Variants in CFH observed in about 807,000 individuals in gnomAD.
The protein encoded by CFH is complement factor H.
A neutral mutation model predicts 147.3 loss-of-function variants in CFH; 53 were observed. The observed-to-expected ratio is 0.36, with a 90% confidence interval of 0.29 to 0.45. The LOEUF is 0.45. Among genes scored for constraint, CFH ranks in the 20% least tolerant of loss-of-function variants. The probability of loss-of-function intolerance (pLI) is 1.00; values close to 1 mark genes in which losing one functional copy is unlikely to be tolerated. For synonymous variants in CFH, 536 were observed against 489.4 expected (o/e 1.10, Z -1.26); for missense variants, 1,380 against 1,498.0 (o/e 0.92, Z 1.30).
At chr1:196,737,734 G>A (rs1414277518) in intron 17 of CFH, 74 bp downstream of exon 17, 2 of 1,273,778 alleles carry the variant, frequency 1.6e-6, no homozygotes, top group Non-Finnish European at 2.3e-6. Flanking sequence ...ATCAAAGTGA[G>A]GGGAATAATT....
intron 14 of CFH, among the ~76,000 whole-genome samples, chr1:196,727,383 T>A (rs960696505): frequency 6.6e-6 from 1 of 152,052 alleles, no homozygotes; most frequent in Non-Finnish European, 1.5e-5. Flanking sequence ...TGCATGCCTG[T>A]AATCCAGCTA....
chr1:196,701,329 T>C (rs201778232), intron 9 of CFH: 10 of 1,613,670 alleles, frequency 6.2e-6, no homozygotes, highest in Non-Finnish European at 8.5e-6. Flanking sequence ...CTTTACCCTC[T>C]GAACTTCTGA....
intron 1 of CFH, among the ~76,000 whole-genome samples, chr1:196,664,512 A>G (rs567641186): frequency 3.9e-5 from 6 of 152,350 alleles, no homozygotes; most frequent in African/African-American, 1.4e-4. Context: ...TTCTATTGTA[A>G]CATAAAAGGA....
rs1270500405 is a variant in CFH, at chr1:196,725,212, C to A, written c.1788C>A (p.Ser596=). 6.2e-7 allele frequency: 1 copy of A among 1,613,910 alleles called. No individual in the cohort carries two copies. Among genetic ancestry groups the A allele is most frequent in the Non-Finnish European group, 8.5e-7 (1 of 1,179,856 alleles). ...QYKVGEVLKF[S]CKPGFTIVGP... ...AAGTTGGAGAGGTGTTGAAATTCTC[C>A]TGCAAACCAGGATTTACAATAGTTG... The change falls in exon 12 of 22, where the codon TCC becomes TCA. Residue 596 remains serine (S), a synonymous_variant. Coordinates refer to ENST00000367429, the MANE Select transcript of CFH (RefSeq NM_000186.4).
At chr1:196,697,952 A>G (rs1668332379) in intron 9 of CFH, among the ~76,000 whole-genome samples, 1 of 144,932 alleles carries the variant, frequency 6.9e-6, no homozygotes, top group Admixed American at 7.2e-5. Context: ...GGAATTGAAC[A>G]ATGAGAACAC....
chr1:196,694,272 T>C (rs1340983345), intron 9 of CFH, among the ~76,000 whole-genome samples: 1 of 152,158 alleles, frequency 6.6e-6, no homozygotes, highest in Non-Finnish European at 1.5e-5. Flanking sequence ...TTTCTGTTCC[T>C]GTGTTAGTTT....
At chr1:196,692,822 C>CTTTT (rs1367433142) in intron 9 of CFH, among the ~76,000 whole-genome samples, 994 of 22,448 alleles carry the variant, frequency 0.044, 71 homozygotes, top group East Asian at 0.092. Flanking sequence ...TTCTTTCTTT[C>CTTTT]TCTTTCCTTC....
At chr1:196,678,136 T>G (rs190755462) in intron 5 of CFH, 1 of 168,338 alleles carries the variant, frequency 5.9e-6, no homozygotes, top group African/African-American at 2.4e-5. Context: ...AGAGATACAT[T>G]AGAATGACAT....
rs139192754 is a variant in CFH, at chr1:196,707,293, A to G, written c.1337-6442A>G. Among the ~76,000 whole-genome samples, 234 of 152,322 alleles carry G rather than the reference A, an allele frequency of 1.5e-3. 2 individuals carry two copies. Among genetic ancestry groups the G allele is most frequent in the African/African-American group, 5.4e-3 (224 of 41,576 alleles). On this transcript the variant is annotated intron_variant, in intron 9 of 21. Transcript: ENST00000367429. ...AAATTAAGCCCTTTAAAAATTTTAC[A>G]TGGGAGATCATTCTTCCGTTACCTT...
chr1:196,689,553 A>C lies in CFH; in HGVS notation c.1098A>C (p.Gly366=), dbSNP rs1271920128. The change falls in exon 8 of 22, where the codon GGA becomes GGC. Residue 366 remains glycine (G), a synonymous_variant. Coordinates refer to ENST00000367429, the MANE Select transcript of CFH (RefSeq NM_000186.4). ...YCDEHFETPS[G]SYWDHIHCTQ... is the part of the protein sequence containing the mutation. ...ATGAACATTTTGAGACTCCGTCAGG[A>C]AGTTACTGGGATCACATTCATTGCA... 1.2e-6 allele frequency: 2 copies of C among 1,613,470 alleles called. No individual in the cohort carries two copies. The highest frequency in any genetic ancestry group is 1.7e-6 in the Non-Finnish European group (2 of 1,179,704).
chr1:196,718,229 A>G (rs997804971), intron 11 of CFH, among the ~76,000 whole-genome samples: 1 of 152,142 alleles, frequency 6.6e-6, no homozygotes, highest in East Asian at 1.9e-4. Context: ...AAAACTAAAA[A>G]GAGATAAGCC....
At chr1:196,664,249 T>C (rs999661348) in intron 1 of CFH, among the ~76,000 whole-genome samples, 1 of 152,022 alleles carries the variant, frequency 6.6e-6, no homozygotes, top group African/African-American at 2.4e-5. Flanking sequence ...TTTGTAGAGA[T>C]GGGATCTTGC....
At chr1:196,654,726 T>C (rs981657491) in intron 1 of CFH, among the ~76,000 whole-genome samples, 2 of 150,702 alleles carry the variant, frequency 1.3e-5, no homozygotes, top group Non-Finnish European at 1.5e-5. Context: ...ACTGGCTGTG[T>C]TGTTTGGGAG....
intron 9 of CFH, among the ~76,000 whole-genome samples, chr1:196,703,081 T>G (rs187796520): frequency 6.6e-6 from 1 of 152,348 alleles, no homozygotes; most frequent in East Asian, 1.9e-4. Flanking sequence ...TAGTGAAGAT[T>G]GTTTTTAATG....
intron 3 of CFH, 98 bp from the exon 4 acceptor site, chr1:196,675,891 C>T (rs1667436279): frequency 1.3e-6 from 1 of 751,754 alleles, no homozygotes; most frequent in East Asian, 2.6e-5. Context: ...TGTTCATTTT[C>T]CTTAATATGG....
chr1:196,688,526 G>A (rs1432408876), intron 7 of CFH, among the ~76,000 whole-genome samples: 3 of 151,970 alleles, frequency 2.0e-5, no homozygotes, highest in Admixed American at 1.3e-4. Context: ...ATTTTTCTGC[G>A]CGGTATCATC....
chr1:196,701,342 G>T (rs781371850), intron 9 of CFH: 7 of 1,613,626 alleles, frequency 4.3e-6, no homozygotes, highest in Non-Finnish European at 2.5e-6. Context: ...ACTTCTGATC[G>T]AAGGTCATCC....
rs542663789 is a variant in CFH, at chr1:196,717,177, T to C, written c.1696+1408T>C. Among the ~76,000 whole-genome samples, 13 of 152,206 alleles carry C rather than the reference T, an allele frequency of 8.5e-5. 1 individual carries two copies. Among genetic ancestry groups the C allele is most frequent in the African/African-American group, 3.1e-4 (13 of 41,568 alleles). ...AAAGGTAGTGTAACAGATTGCTTAA[T>C]AAGTCATCCTGTCTGAATTCTAATT... On this transcript the variant is annotated intron_variant, in intron 11 of 21. Transcript: ENST00000367429.
chr1:196,724,687 TG>T lies in CFH; in HGVS notation c.1697-432del, dbSNP rs545081355. Among the ~76,000 whole-genome samples the T allele has an allele frequency of 4.2e-3, 642 of 152,356 alleles. 4 individuals are homozygous for T. The highest frequency in any genetic ancestry group is 0.017 in the Middle Eastern group (5 of 294). ...AGTTATGATCATTTACCTGTAACTT[TG>T]GTTCTTCTTTCTGAGGAGAACTTGT... On this transcript the variant is annotated intron_variant, in intron 11 of 21. Transcript: ENST00000367429.
Sources: allele counts gnomAD v4.1 joint callset (sites outside exome capture counted in the v4.1 genomes callset), GRCh38; gene constraint gnomAD v4.1.1; transcripts MANE v1.5; gene names NCBI Gene and HGNC (gene_info 2026-07-23, HGNC 2026-07-21).